The following KCNIP4 variants were observed in gnomAD, a reference collection of about 807,000 sequenced individuals.
The protein encoded by KCNIP4 is Kv channel-interacting protein 4.
A neutral mutation model predicts 34.0 loss-of-function variants in KCNIP4; 12 were observed. That is an observed-to-expected ratio of 0.35 (90% confidence interval 0.23 to 0.57). KCNIP4 has a LOEUF of 0.57. KCNIP4 is among the 20% of genes least tolerant of loss of function. The pLI, the probability that KCNIP4 is intolerant of heterozygous loss-of-function variation, is 0.83. For synonymous variants in KCNIP4, 124 were observed against 102.2 expected, an observed-to-expected ratio of 1.21 and a Z score of -1.29; for missense variants, 238 against 311.7, an observed-to-expected ratio of 0.76 and a Z score of 1.78.
At chr4:21,741,968 C>G (rs1182066895) in intron 1 of KCNIP4, among the ~76,000 whole-genome samples, 2 of 152,094 alleles carry the variant, frequency 1.3e-5, no homozygotes, top group Admixed American at 6.6e-5. Flanking sequence ...ACCCTGGAGT[C>G]AGAGGTTGTG....
chr4:21,529,818 C>T (rs969070417), intron 1 of KCNIP4, among the ~76,000 whole-genome samples: 4 of 152,158 alleles, frequency 2.6e-5, no homozygotes, highest in Admixed American at 2.6e-4. Flanking sequence ...CTGAGGCTAT[C>T]TGGCCTTTCT....
intron 1 of KCNIP4, among the ~76,000 whole-genome samples, chr4:21,928,014 G>A (rs1364205304): frequency 6.6e-6 from 1 of 151,798 alleles, no homozygotes; most frequent in East Asian, 1.9e-4. Flanking sequence ...TAGGTTATAA[G>A]TATAATAATC....
chr4:21,251,804 T>C (rs574420796), intron 1 of KCNIP4, among the ~76,000 whole-genome samples: 6 of 148,390 alleles, frequency 4.0e-5, no homozygotes, highest in South Asian at 4.3e-4. Context: ...TAGGTGGGAA[T>C]TGAACAATGA....
At chr4:21,916,031 G>T (rs1419900349) in intron 1 of KCNIP4, among the ~76,000 whole-genome samples, 1 of 152,152 alleles carries the variant, frequency 6.6e-6, no homozygotes, top group Non-Finnish European at 1.5e-5. Flanking sequence ...GTTTCCAGTT[G>T]CTTCAGATGG....
rs992550363 is a variant in KCNIP4 at position 21,039,574 on chromosome 4, T to G, written c.62-156865A>C. On this transcript the variant is annotated intron_variant, in intron 1 of 8. Transcript: ENST00000382152. ...CCCCACCCTCAAAGCACTTAAAATC[T>G]AATGAGAGAGACAAACAAACTGGAA... Among the ~76,000 whole-genome samples the G allele has an allele frequency of 5.3e-5, 8 of 151,932 alleles. No homozygotes were observed. The East Asian group carries it at 1.6e-3, about 30-fold the overall frequency.
At chr4:21,323,769 C>T (rs553258474) in intron 1 of KCNIP4, among the ~76,000 whole-genome samples, 3 of 151,970 alleles carry the variant, frequency 2.0e-5, no homozygotes, top group East Asian at 3.9e-4. Context: ...ACTTCCTTTC[C>T]TAGCAGTGGA....
chr4:21,475,419 T>C (rs1165447963), intron 1 of KCNIP4, among the ~76,000 whole-genome samples: 1 of 152,178 alleles, frequency 6.6e-6, no homozygotes, highest in African/African-American at 2.4e-5. Context: ...TGCCTTTACC[T>C]ACCTATGAAC....
intron 1 of KCNIP4, among the ~76,000 whole-genome samples, chr4:21,865,637 G>T (rs902413635): frequency 6.6e-6 from 1 of 151,446 alleles, no homozygotes; most frequent in Non-Finnish European, 1.5e-5. Flanking sequence ...TCCGCCTCCC[G>T]GGTTCAGTGA....
At chr4:21,624,160 T>C (rs979164337) in intron 1 of KCNIP4, among the ~76,000 whole-genome samples, 11 of 152,106 alleles carry the variant, frequency 7.2e-5, no homozygotes, top group Admixed American at 7.2e-4. Flanking sequence ...CTGCCTCCAT[T>C]ACTTACCAAC....
intron 1 of KCNIP4, among the ~76,000 whole-genome samples, chr4:21,403,889 C>T (rs765451654): frequency 2.0e-5 from 3 of 152,140 alleles, no homozygotes; most frequent in East Asian, 1.9e-4. Flanking sequence ...TTCTTTTATA[C>T]GAGCACTAAT....
intron 1 of KCNIP4, among the ~76,000 whole-genome samples, chr4:21,018,121 A>G (rs983587499): frequency 7.9e-5 from 12 of 152,198 alleles, no homozygotes; most frequent in African/African-American, 2.9e-4. Flanking sequence ...TTCTTGAATT[A>G]TCCTCCAGGG....
chr4:20,991,100 G>A (rs1445243260), intron 1 of KCNIP4, among the ~76,000 whole-genome samples: 1 of 152,182 alleles, frequency 6.6e-6, no homozygotes, highest in Non-Finnish European at 1.5e-5. Flanking sequence ...TAGCAGTTGA[G>A]GAGCTGGGAC....
intron 1 of KCNIP4, among the ~76,000 whole-genome samples, chr4:20,966,464 A>G (rs1442182327): frequency 1.3e-5 from 2 of 152,186 alleles, no homozygotes; most frequent in African/African-American, 2.4e-5. Flanking sequence ...TAGAAAATAA[A>G]AAAAGAACAC....
At chr4:21,375,716 G>A (rs558102969) in intron 1 of KCNIP4, among the ~76,000 whole-genome samples, 5 of 151,962 alleles carry the variant, frequency 3.3e-5, no homozygotes, top group Non-Finnish European at 7.4e-5. Flanking sequence ...ACAGGCGCCT[G>A]CCACCACGCC....
intron 1 of KCNIP4, among the ~76,000 whole-genome samples, chr4:21,037,201 A>C (rs1236758267): frequency 6.6e-6 from 1 of 152,226 alleles, no homozygotes; most frequent in Non-Finnish European, 1.5e-5. Context: ...TTATTACTGA[A>C]GAAAAAATAT....
intron 1 of KCNIP4, among the ~76,000 whole-genome samples, chr4:20,979,346 G>C (rs10009407): frequency 0.47 from 71,808 of 151,326 alleles, 18,362 homozygotes; most frequent in African/African-American, 0.67. Flanking sequence ...CTTCCAATCT[G>C]CCATCTGAAT....
At chr4:21,252,586 A>G (rs974655210) in intron 1 of KCNIP4, among the ~76,000 whole-genome samples, 2 of 152,152 alleles carry the variant, frequency 1.3e-5, no homozygotes, top group East Asian at 1.9e-4. Flanking sequence ...AACGCTGACA[A>G]TGTTAACACC....
intron 3 of KCNIP4, among the ~76,000 whole-genome samples, chr4:20,820,258 G>A (rs927237787): frequency 1.5e-4 from 23 of 152,252 alleles, no homozygotes; most frequent in Middle Eastern, 3.4e-3. Context: ...AATGAGGAAC[G>A]AGGGATTGTA....
chr4:21,220,851 A>G (rs1177964804), intron 1 of KCNIP4, among the ~76,000 whole-genome samples: 1 of 152,194 alleles, frequency 6.6e-6, no homozygotes, highest in Non-Finnish European at 1.5e-5. Context: ...TATTGAAACC[A>G]GTTTGATTTG....
Sources: allele counts gnomAD v4.1 joint callset (sites outside exome capture counted in the v4.1 genomes callset), GRCh38; gene constraint gnomAD v4.1.1; transcripts MANE v1.5; gene names NCBI Gene and HGNC (gene_info 2026-07-23, HGNC 2026-07-21).